The following KCNAB1 variants were observed in gnomAD, a reference collection of about 807,000 sequenced individuals.
The protein encoded by KCNAB1 is voltage-gated potassium channel subunit beta-1.
Under a neutral mutation model 64.6 loss-of-function variants are expected in KCNAB1, and 35 were observed. The observed-to-expected ratio is 0.54, with a 90% CI of 0.41 to 0.72. KCNAB1 has a LOEUF of 0.72. Among genes scored for constraint, KCNAB1 ranks in the 30% least tolerant of loss-of-function variants. KCNAB1 has a pLI of 0.00. For synonymous variants in KCNAB1, 177 were observed against 183.8 expected, an observed-to-expected ratio of 0.96 and a Z score of 0.30; for missense variants, 401 against 512.9, an observed-to-expected ratio of 0.78 and a Z score of 2.11.
intron 1 of KCNAB1, among the ~76,000 whole-genome samples, chr3:156,419,294 A>G (rs1353068832): frequency 6.6e-6 from 1 of 152,058 alleles, no homozygotes; most frequent in Non-Finnish European, 1.5e-5. Context: ...CGAGGTCAGG[A>G]GATCGAGACC....
intron 1 of KCNAB1, among the ~76,000 whole-genome samples, chr3:156,147,960 C>CACACACACACACACACACACAT (rs200388168): frequency 4.4e-5 from 5 of 113,494 alleles, no homozygotes; most frequent in African/African-American, 1.7e-4. Flanking sequence ...CACACACACA[C>CACACACACACACACACACACAT]GCACGCACAC....
chr3:156,143,396 G>C, intron 1 of KCNAB1: 2 of 1,597,102 alleles, frequency 1.3e-6, no homozygotes, highest in Non-Finnish European at 1.7e-6. Flanking sequence ...GAAACCACCA[G>C]AGCAGAGACG....
intron 11 of KCNAB1, among the ~76,000 whole-genome samples, chr3:156,521,762 A>AT (rs1399716057): frequency 6.6e-6 from 1 of 152,014 alleles, no homozygotes; most frequent in Non-Finnish European, 1.5e-5. Flanking sequence ...ACATTTTCTC[A>AT]TTTGTAAAGC....
chr3:156,532,431 T>C (rs1302386503), intron 13 of KCNAB1, among the ~76,000 whole-genome samples: 1 of 152,196 alleles, frequency 6.6e-6, no homozygotes, highest in Non-Finnish European at 1.5e-5. Context: ...AGCCACTACC[T>C]GGTAAGGTTA....
chr3:156,246,246 A>C (rs565090126), intron 1 of KCNAB1, among the ~76,000 whole-genome samples: 1 of 152,288 alleles, frequency 6.6e-6, no homozygotes, highest in Non-Finnish European at 1.5e-5. Flanking sequence ...ATATGTTTGT[A>C]CTCAGAATCA....
At chr3:156,248,528 T>G (rs955196927) in intron 1 of KCNAB1, among the ~76,000 whole-genome samples, 2 of 151,194 alleles carry the variant, frequency 1.3e-5, no homozygotes, top group Admixed American at 6.6e-5. Flanking sequence ...CATTTACCTC[T>G]TATTTCATGT....
intron 12 of KCNAB1, among the ~76,000 whole-genome samples, chr3:156,528,575 G>A (rs1310833732): frequency 2.0e-5 from 3 of 152,206 alleles, no homozygotes; most frequent in Admixed American, 1.3e-4. Flanking sequence ...ATTCAGGGAA[G>A]TACTTTAGGA....
At chr3:156,367,336 C>T (rs1301933659) in intron 1 of KCNAB1, among the ~76,000 whole-genome samples, 1 of 139,374 alleles carries the variant, frequency 7.2e-6, no homozygotes, top group African/African-American at 3.0e-5. Flanking sequence ...CCACTACGCC[C>T]AGCTAATTTT....
At chr3:156,491,793 A>G (rs1227492665) in intron 8 of KCNAB1, among the ~76,000 whole-genome samples, 1 of 152,086 alleles carries the variant, frequency 6.6e-6, no homozygotes, top group East Asian at 1.9e-4. Context: ...AATAATGAAT[A>G]TTTAATACAC....
chr3:156,278,552 T>C (rs115039895), intron 1 of KCNAB1, among the ~76,000 whole-genome samples: 3,602 of 152,292 alleles, frequency 0.024, 174 homozygotes, highest in African/African-American at 0.082. Flanking sequence ...CCTTCCCTCC[T>C]TCATTTAATT....
rs1576794427 is a variant in KCNAB1 at position 156,379,646 on chromosome 3, A to G, written c.276-41970A>G. On this transcript the variant is annotated intron_variant, in intron 1 of 13. Transcript: ENST00000490337. Reference sequence around the variant, plus strand: ...ACAGAGTGAACAAGGGGAGAAGAGTAGAGCAGGTCAGGGAGATAGCAGGAG... The same window carrying G: ...ACAGAGTGAACAAGGGGAGAAGAGTGGAGCAGGTCAGGGAGATAGCAGGAG... Among the ~76,000 whole-genome samples the G allele has an allele frequency of 3.3e-5, 5 of 152,314 alleles. No individual in the cohort carries two copies. The South Asian group carries it at 1.0e-3, about 32-fold the overall frequency.
chr3:156,162,517 T>A (rs1302168666), intron 1 of KCNAB1, among the ~76,000 whole-genome samples: 1 of 152,186 alleles, frequency 6.6e-6, no homozygotes, highest in Non-Finnish European at 1.5e-5. Flanking sequence ...TATGTTCAGC[T>A]GTATCTTGAG....
intron 7 of KCNAB1, 142 bp from the exon 8 acceptor site, chr3:156,474,592 T>C (rs1714197715): frequency 3.4e-6 from 2 of 580,682 alleles, no homozygotes; most frequent in South Asian, 2.1e-5. Flanking sequence ...CTAGAGTCAA[T>C]TAACAATCAT....
intron 1 of KCNAB1, among the ~76,000 whole-genome samples, chr3:156,231,488 C>T (rs1411473336): frequency 1.7e-5 from 2 of 119,380 alleles, no homozygotes; most frequent in Non-Finnish European, 3.4e-5. Context: ...CCCCTCCCCT[C>T]CCCTCCCCTC....
chr3:156,518,817 C>T (rs536229943), intron 11 of KCNAB1, among the ~76,000 whole-genome samples: 4 of 152,324 alleles, frequency 2.6e-5, no homozygotes, highest in South Asian at 4.1e-4. Flanking sequence ...TCTGACTTCA[C>T]TGCTGAACTG....
chr3:156,531,995 T>C (rs945394589), intron 13 of KCNAB1, among the ~76,000 whole-genome samples: 2 of 93,642 alleles, frequency 2.1e-5, no homozygotes, highest in Non-Finnish European at 4.1e-5. Context: ...AGGTCAGACC[T>C]GTGTCTTTGC....
chr3:156,407,937 C>T (rs772713608), intron 1 of KCNAB1, among the ~76,000 whole-genome samples: 8 of 152,256 alleles, frequency 5.3e-5, no homozygotes, highest in South Asian at 2.1e-4. Flanking sequence ...TTTTCTTACC[C>T]CGTTGTTTCT....
intron 1 of KCNAB1, among the ~76,000 whole-genome samples, chr3:156,164,646 C>T (rs1460909237): frequency 6.6e-6 from 1 of 152,194 alleles, no homozygotes; most frequent in Non-Finnish European, 1.5e-5. Context: ...TAGATTTTGT[C>T]AGTTTGGGTG....
chr3:156,474,786 T>G lies in KCNAB1; in HGVS notation c.624T>G (p.Phe208Leu), dbSNP rs201458728. 4.3e-6 allele frequency: 7 copies of G among 1,613,378 alleles called. No homozygotes were observed. Among genetic ancestry groups the G allele is most frequent in the Non-Finnish European group, 5.9e-6 (7 of 1,179,470 alleles). The stretch of plus-strand genomic sequence containing the variant: ...AGCTCGAGTATGTGGATGTGGTCTT[T>G]GCAAATCGACCGGACAGTAACACTC... ...RLQLEYVDVV[F>L]ANRPDSNTPM... The change falls in exon 8 of 14, where the codon TTT becomes TTG. Residue 208 changes from phenylalanine to leucine, a missense_variant. Coordinates refer to ENST00000490337, the MANE Select transcript of KCNAB1 (RefSeq NM_172160.3).
Sources: allele counts gnomAD v4.1 joint callset (sites outside exome capture counted in the v4.1 genomes callset), GRCh38; gene constraint gnomAD v4.1.1; transcripts MANE v1.5; gene names NCBI Gene and HGNC (gene_info 2026-07-23, HGNC 2026-07-21).